Variants in LRRD1 observed in about 807,000 individuals in gnomAD.
LRRD1 encodes leucine rich repeats and death domain containing 1, also known as leucine-rich repeat and death domain-containing protein 1.
A neutral mutation model predicts 69.5 loss-of-function variants in LRRD1; 49 were observed. The ratio of observed to expected loss-of-function variants is 0.70; its 90% CI spans 0.56 to 0.89. The LOEUF (loss-of-function observed/expected upper bound fraction) is 0.89. Ranked by LOEUF, LRRD1 falls within the 40% of genes least tolerant of loss-of-function variation. The pLI, the probability that LRRD1 is intolerant of heterozygous loss-of-function variation, is 0.00. For missense variants in LRRD1, 853 were observed against 956.0 expected, an observed-to-expected ratio of 0.89 and a Z score of 1.42; for synonymous variants, 303 against 338.9, an observed-to-expected ratio of 0.89 and a Z score of 1.16.
At chr7:92,172,392 C>T (rs1275367516) in intron 1 of LRRD1, among the ~76,000 whole-genome samples, 1 of 152,066 alleles carries the variant, frequency 6.6e-6, no homozygotes, top group African/African-American at 2.4e-5. Flanking sequence ...GGCAAGGAAG[C>T]AGTCAAATTA....
At position 92,146,100 on chromosome 7, in the gene LRRD1, A is replaced by T. The variant is rs1187482577; in HGVS notation, c.2379T>A (p.Thr793=). Residue 793 remains threonine, a synonymous_variant, in exon 5 of 6, where the codon ACT becomes ACA. Coordinates refer to ENST00000458448, the MANE Select transcript of LRRD1 (RefSeq NM_001161528.2). ...ATACATACCTCTTTGTAGGCATATC[A>T]GTTTCTGAGTTTGCCAGGTTTAGTT... is the stretch of plus-strand genomic sequence containing the variant. The part of the protein sequence containing the change: ...CQKLNLANSE[T]DMPTKSTVSL... The T allele has an allele frequency of 6.6e-7, 1 of 1,524,342 alleles. No individual in the cohort carries two copies. Among genetic ancestry groups the T allele is most frequent in the Non-Finnish European group, 8.8e-7 (1 of 1,134,128 alleles). 94.4% of individuals were successfully genotyped at this position (1,524,342 alleles called of 1,614,324 possible).
At chr7:92,150,416 G>A (rs1359002714) in intron 4 of LRRD1, 118 bp downstream of exon 4, 4 of 851,954 alleles carry the variant, frequency 4.7e-6, no homozygotes, top group Non-Finnish European at 6.7e-6. Flanking sequence ...AGTGAGTCGT[G>A]ATCATGCCAC....
chr7:92,147,730 GT>G (rs919337908), intron 4 of LRRD1, among the ~76,000 whole-genome samples: 3 of 151,862 alleles, frequency 2.0e-5, no homozygotes, highest in Non-Finnish European at 4.4e-5. Context: ...GGTACTGTGA[GT>G]TTTTTCTTTT....
chr7:92,142,576 G>C (rs1026540386), downstream of LRRD1: 32 of 454,896 alleles, frequency 7.0e-5, no homozygotes, highest in Admixed American at 5.0e-4. Context: ...TCGTCTCACT[G>C]ACTTCAAGTA....
chr7:92,153,940 G>A (rs893369567), intron 3 of LRRD1, among the ~76,000 whole-genome samples: 38 of 150,928 alleles, frequency 2.5e-4, no homozygotes, highest in African/African-American at 7.3e-4. Context: ...GGGTTCAAGC[G>A]ATTCTCCTGC....
At chr7:92,146,020 T>C in intron 5 of LRRD1, 63 bp downstream of exon 5, 1 of 856,568 alleles carries the variant, frequency 1.2e-6, no homozygotes, top group Non-Finnish European at 1.7e-6. Flanking sequence ...AACCATGCAA[T>C]ATCAACATGA....
intron 1 of LRRD1, among the ~76,000 whole-genome samples, chr7:92,171,342 T>C (rs1210956679): frequency 6.6e-6 from 1 of 151,672 alleles, no homozygotes; most frequent in Non-Finnish European, 1.5e-5. Context: ...AATAAGGAGA[T>C]ATAACAACTG....
At chr7:92,150,459 T>G in intron 4 of LRRD1, 75 bp downstream of exon 4, 1 of 1,300,730 alleles carries the variant, frequency 7.7e-7, no homozygotes, top group South Asian at 1.9e-5. Context: ...AGTGAGACCC[T>G]GTCTCCAAAA....
At chr7:92,155,604 G>GAT (rs1788638313) in intron 3 of LRRD1, among the ~76,000 whole-genome samples, 1 of 151,934 alleles carries the variant, frequency 6.6e-6, no homozygotes, top group African/African-American at 2.4e-5. Flanking sequence ...GGACTAATAG[G>GAT]ATAGATATAT....
At chr7:92,145,169 C>A (rs1584647656) in intron 5 of LRRD1, 95 bp from the exon 6 acceptor site, 2 of 688,712 alleles carry the variant, frequency 2.9e-6, no homozygotes, top group Non-Finnish European at 4.0e-6. Flanking sequence ...CAATTAAGAA[C>A]ATTGCTTTAA....
At chr7:92,150,989 T>C (rs1172618023) in intron 3 of LRRD1, among the ~76,000 whole-genome samples, 1 of 152,254 alleles carries the variant, frequency 6.6e-6, no homozygotes, top group East Asian at 1.9e-4. Context: ...AAACTGTTTA[T>C]TTAGCATAAT....
At chr7:92,150,370 T>C (rs1161913776) in intron 4 of LRRD1, among the ~76,000 whole-genome samples, 164 bp downstream of exon 4, 1 of 152,042 alleles carries the variant, frequency 6.6e-6, no homozygotes, top group East Asian at 1.9e-4. Flanking sequence ...GAGGCTGAGG[T>C]GGGAGGATCA....
In LRRD1 at chr7:92,163,460, C is replaced by A. The variant is rs1440734335; in HGVS notation, c.1743G>T (p.Leu581Phe). The A allele has an allele frequency of 9.7e-6, 15 of 1,541,186 alleles. No individual in the cohort carries two copies. Among genetic ancestry groups the A allele is most frequent in the African/African-American group, 2.8e-5 (2 of 72,232 alleles). Residue 581 changes from leucine to phenylalanine, a missense_variant, in exon 2 of 6, where the codon TTG (leucine) becomes TTT (phenylalanine). By Grantham distance (22) the Leu-to-Phe change is conservative. This residue lies in a region of LRRD1 where 739 missense variants were observed against 808.0 expected (regional missense o/e 0.91). Coordinates refer to ENST00000458448, the MANE Select transcript of LRRD1 (RefSeq NM_001161528.2). ...FPRELCTLEN[L>F]QVLDLSENQL... ...GGTTTTCCGAAAGATCAAGTACTTG[C>A]AAATTTTCTAAAGTACACAATTCTC...
rs1554483011 is a variant in LRRD1, at chr7:92,165,100, C to A, written c.103G>T (p.Glu35Ter). ...GCTTCGTTTATCAAATTTGATGTTT[C>A]TTTAATAAAGCCAGGCTCCTTCATT... ...QSMKEPGFIKETSNLINEASD... is the reference protein window; with the variant it reads ...QSMKEPGFIK The change falls in exon 2 of 6, where the codon GAA becomes TAA. Residue 35 changes from glutamate (E) to a stop codon, truncating the protein, a stop_gained. Transcript: ENST00000458448. LOFTEE classifies it high-confidence loss of function. The A allele has an allele frequency of 4.5e-6, 7 of 1,551,444 alleles. No homozygotes were observed. Among genetic ancestry groups the A allele is most frequent in the African/African-American group, 1.4e-5 (1 of 73,150 alleles).
At chr7:92,141,965 C>CT (rs1563186093), downstream of LRRD1, 1 of 150,436 alleles carries the variant, frequency 6.6e-6, no homozygotes, top group Non-Finnish European at 1.5e-5. Context: ...TTTTTTGAGA[C>CT]AGAGTCTCGC....
chr7:92,167,809 G>A (rs377016432), intron 1 of LRRD1, among the ~76,000 whole-genome samples: 1 of 144,424 alleles, frequency 6.9e-6, no homozygotes, highest in Non-Finnish European at 1.5e-5. Flanking sequence ...CCCGGGAGGC[G>A]GAGCTTGCAG....
chr7:92,175,438 A>G (rs1789171312), intron 1 of LRRD1, among the ~76,000 whole-genome samples: 1 of 152,162 alleles, frequency 6.6e-6, no homozygotes, highest in Admixed American at 6.5e-5. Flanking sequence ...ACCCGAGGTC[A>G]GGAGTTTGAG....
chr7:92,167,876 C>CAAAAAAAAAAAA lies in LRRD1; in HGVS notation c.-74-2612_-74-2601dup, dbSNP rs542619786. 2.6e-4 allele frequency among the ~76,000 whole-genome samples: 12 copies of CAAAAAAAAAAAA among 46,194 alleles called. 1 individual carries two copies. Among genetic ancestry groups the CAAAAAAAAAAAA allele is most frequent in the South Asian group, 1.3e-3 (1 of 794 alleles). 30.3% of individuals were successfully genotyped at this position (46,194 alleles called of 152,430 possible). On this transcript the variant is annotated intron_variant, in intron 1 of 5. Coordinates refer to ENST00000458448, the MANE Select transcript of LRRD1 (RefSeq NM_001161528.2). ...TGGGCAACACAGCGAGACTCTGTCT[C>CAAAAAAAAAAAA]AAAAAAAAAAAAAAAAAAAAAAAAA...
Position 92,156,396 on chromosome 7 carries a change from T to C in LRRD1, c.2116+2609A>G, listed in dbSNP as rs539086292. 6.6e-5 allele frequency among the ~76,000 whole-genome samples: 10 copies of C among 152,352 alleles called. No homozygotes were observed. The South Asian group carries it at 2.1e-3, about 32-fold the overall frequency. On this transcript the variant is annotated intron_variant, in intron 3 of 5. Coordinates refer to ENST00000458448, the MANE Select transcript of LRRD1 (RefSeq NM_001161528.2). Reference sequence around the variant, plus strand: ...ATTGAGTTGAATTTAAAGATAAGTTTTGGGAAAACTGACATATTAACAATA... The same window carrying C: ...ATTGAGTTGAATTTAAAGATAAGTTCTGGGAAAACTGACATATTAACAATA...
Sources: gnomAD v4.1 joint callset for allele counts (sites outside exome capture counted in the v4.1 genomes callset) on GRCh38, gnomAD v4.1.1 for gene constraint, gnomAD v4.1.1 regional missense constraint, MANE v1.5 for transcripts, NCBI Gene and HGNC (gene_info 2026-07-23, HGNC 2026-07-21) for gene names.